POLQ: variants seen among roughly 807,000 people sequenced by gnomAD.
The protein encoded by POLQ is epididymis secretory sperm binding protein.
Under a neutral mutation model 259.2 loss-of-function variants are expected in POLQ, and 233 were observed. The observed-to-expected ratio is 0.90, with a 90% CI of 0.81 to 1.00. POLQ has a LOEUF of 1.00. Among genes scored for constraint, POLQ ranks in the 50% least tolerant of loss-of-function variants. The probability of loss-of-function intolerance (pLI) is 0.00; values close to 1 mark genes in which losing one functional copy is unlikely to be tolerated. For synonymous variants in POLQ, 1,025 were observed against 1,048.8 expected (o/e 0.98, Z 0.44); for missense variants, 2,871 against 3,051.6 (o/e 0.94, Z 1.39).
At chr3:121,493,024 G>T (rs1022770144) in intron 15 of POLQ, among the ~76,000 whole-genome samples, 3 of 151,940 alleles carry the variant, frequency 2.0e-5, no homozygotes, top group Non-Finnish European at 4.4e-5. Context: ...ATCTGCAGCC[G>T]GGCACTTTGG....
At chr3:121,534,480 C>T (rs1016647822) in intron 5 of POLQ, among the ~76,000 whole-genome samples, 2 of 152,104 alleles carry the variant, frequency 1.3e-5, no homozygotes, top group African/African-American at 2.4e-5. Flanking sequence ...TGCATCACCA[C>T]GCCCAGCCAA....
intron 24 of POLQ, among the ~76,000 whole-genome samples, chr3:121,467,024 G>C (rs1005063047): frequency 6.6e-6 from 1 of 152,182 alleles, no homozygotes; most frequent in Non-Finnish European, 1.5e-5. Flanking sequence ...GAGTATTGAG[G>C]AGGGGTCAGG....
chr3:121,464,443 ATAGTT>A (rs1319838488), intron 24 of POLQ, among the ~76,000 whole-genome samples: 5 of 152,248 alleles, frequency 3.3e-5, no homozygotes, highest in Admixed American at 6.5e-5. Context: ...AATATGCAGT[ATAGTT>A]TAATTACAAT....
intron 9 of POLQ, among the ~76,000 whole-genome samples, chr3:121,512,931 T>C (rs1277635990): frequency 6.6e-6 from 1 of 152,212 alleles, no homozygotes; most frequent in Non-Finnish European, 1.5e-5. Flanking sequence ...AATGCTTTAT[T>C]GTGAGAACCA....
intron 7 of POLQ, among the ~76,000 whole-genome samples, chr3:121,524,426 C>A (rs2048358673): frequency 6.6e-6 from 1 of 152,040 alleles, no homozygotes; most frequent in South Asian, 2.1e-4. Flanking sequence ...TTGTATTTAT[C>A]TTGAGCACCA....
chr3:121,513,600 CAAAAAAAAAAAAAA>C (rs59962408), intron 9 of POLQ, among the ~76,000 whole-genome samples: 1 of 51,542 alleles, frequency 1.9e-5, no homozygotes, highest in Non-Finnish European at 3.2e-5. Context: ...GACTCTATCT[CAAAAAAAAAAAAAA>C]AAAAAAAAAA....
At chr3:121,536,013 G>A (rs1445475297) in intron 5 of POLQ, among the ~76,000 whole-genome samples, 1 of 152,138 alleles carries the variant, frequency 6.6e-6, no homozygotes, top group Non-Finnish European at 1.5e-5. Context: ...AAATGTGGTA[G>A]AATACACAAC....
intron 26 of POLQ, 142 bp from the exon 27 acceptor site, chr3:121,440,258 C>T (rs2047580147): frequency 1.7e-6 from 1 of 571,966 alleles, no homozygotes; most frequent in Non-Finnish European, 3.0e-6. Flanking sequence ...GGCATGCGAA[C>T]TTTCATTCAC....
At chr3:121,470,543 C>T (rs2047875305) in intron 22 of POLQ, among the ~76,000 whole-genome samples, 1 of 152,164 alleles carries the variant, frequency 6.6e-6, no homozygotes, top group Non-Finnish European at 1.5e-5. Context: ...AAATACCCTA[C>T]ATCTATGAAC....
At chr3:121,542,198 A>G (rs914348205) in intron 2 of POLQ, among the ~76,000 whole-genome samples, 1 of 152,030 alleles carries the variant, frequency 6.6e-6, no homozygotes, top group African/African-American at 2.4e-5. Context: ...TATGGAAATG[A>G]AACAGAATTT....
intron 12 of POLQ, among the ~76,000 whole-genome samples, chr3:121,504,941 G>A (rs1408825073): frequency 6.6e-6 from 1 of 151,934 alleles, no homozygotes; most frequent in Non-Finnish European, 1.5e-5. Context: ...TGAGATTTAG[G>A]GGCCCAAGTG....
At chr3:121,447,516 C>G (rs900798087) in intron 26 of POLQ, among the ~76,000 whole-genome samples, 10 of 152,118 alleles carry the variant, frequency 6.6e-5, no homozygotes, top group African/African-American at 2.4e-4. Context: ...CTGCCAGTGT[C>G]TTGAAAGGCT....
chr3:121,509,412 T>A, intron 12 of POLQ, 149 bp downstream of exon 12: 1 of 471,440 alleles, frequency 2.1e-6, no homozygotes, highest in African/African-American at 2.0e-5. Flanking sequence ...AAAACAATTA[T>A]CTTCTTACCT....
chr3:121,467,152 C>G (rs2047844808), intron 24 of POLQ, among the ~76,000 whole-genome samples: 1 of 152,018 alleles, frequency 6.6e-6, no homozygotes, highest in Admixed American at 6.5e-5. Flanking sequence ...CCTTAGAGGT[C>G]AAGGGAGAAG....
At chr3:121,478,878 AATTG>A (rs1212387348) in intron 19 of POLQ, among the ~76,000 whole-genome samples, 4 of 152,182 alleles carry the variant, frequency 2.6e-5, no homozygotes, top group African/African-American at 9.6e-5. Context: ...ACAAAGTTAA[AATTG>A]ATTGAATTAC....
rs982587992 is a variant in POLQ, at chr3:121,541,598, G to A, written c.344-119C>T. 5.0e-6 allele frequency: 4 copies of A among 797,732 alleles called. No individual in the cohort carries two copies. The African/African-American group carries it at 7.0e-5, about 14-fold the overall frequency. 49.4% of individuals were successfully genotyped at this position (797,732 alleles called of 1,614,324 possible). On this transcript the variant is annotated intron_variant, in intron 2 of 29. Transcript: ENST00000264233. ...GCCTAAGGCTAACCAATCACTAAGG[G>A]CCCAATAGCACTTAAAATCTTTATA...
intron 7 of POLQ, among the ~76,000 whole-genome samples, chr3:121,525,509 G>A (rs9863608): frequency 0.099 from 15,069 of 152,124 alleles, 985 homozygotes; most frequent in Non-Finnish European, 0.14. Context: ...GGCAGAAGTG[G>A]TGGCAGTAGA....
At chr3:121,484,928 C>G in intron 17 of POLQ, 113 bp downstream of exon 17, 1 of 889,686 alleles carries the variant, frequency 1.1e-6, no homozygotes. Context: ...AAATTTAACT[C>G]TAAAAATAAA....
At chr3:121,492,801 A>ATTT (rs35516373) in intron 15 of POLQ, among the ~76,000 whole-genome samples, 30 of 124,836 alleles carry the variant, frequency 2.4e-4, no homozygotes, top group South Asian at 5.4e-4. Context: ...ATGCCCAGCT[A>ATTT]TTTTTTTTTT....
Sources: allele counts gnomAD v4.1 joint callset (sites outside exome capture counted in the v4.1 genomes callset), GRCh38; gene constraint gnomAD v4.1.1; transcripts MANE v1.5; gene names NCBI Gene and HGNC (gene_info 2026-07-23, HGNC 2026-07-21).